FARS2: variants seen among roughly 807,000 people sequenced by gnomAD.
The protein encoded by FARS2 is phenylalanine--tRNA ligase, mitochondrial.
Under a neutral mutation model 46.4 loss-of-function variants are expected in FARS2, and 40 were observed. The observed-to-expected ratio is 0.86, with a 90% CI of 0.67 to 1.12. The LOEUF (loss-of-function observed/expected upper bound fraction) is 1.12, where lower values mean the gene tolerates loss of function less well. FARS2 is among the 50% of genes most tolerant of loss of function. FARS2 has a pLI of 0.00. For missense variants in FARS2, 513 were observed against 567.9 expected, an observed-to-expected ratio of 0.90 and a Z score of 0.98; for synonymous variants, 234 against 214.9, an observed-to-expected ratio of 1.09 and a Z score of -0.78.
chr6:5,754,107 T>C lies in FARS2; in HGVS notation c.1218-17184T>C, dbSNP rs137901065. 2.6e-5 allele frequency among the ~76,000 whole-genome samples: 4 copies of C among 152,338 alleles called. No homozygotes were observed. The East Asian group carries it at 7.7e-4, about 29-fold the overall frequency. ...ATAGTAACTGCTATCTTTTATTGAG[T>C]ATTTATTTTGTTCCAGGCACTGTGT... On this transcript the variant is annotated intron_variant, in intron 6 of 6. Coordinates refer to ENST00000274680, the MANE Select transcript of FARS2 (RefSeq NM_006567.5).
chr6:5,446,072 G>A (rs551614083), intron 4 of FARS2, among the ~76,000 whole-genome samples: 7 of 152,010 alleles, frequency 4.6e-5, no homozygotes, highest in East Asian at 1.9e-4. Flanking sequence ...GCGTGGGGGC[G>A]GGCACCTGTA....
chr6:5,392,358 G>A (rs1264849914), intron 2 of FARS2, among the ~76,000 whole-genome samples: 2 of 151,998 alleles, frequency 1.3e-5, no homozygotes, highest in Admixed American at 6.5e-5. Context: ...TTATTTCAGG[G>A]TTTTGAAAAC....
intron 6 of FARS2, among the ~76,000 whole-genome samples, chr6:5,747,703 C>G (rs761616197): frequency 6.6e-6 from 1 of 152,126 alleles, no homozygotes; most frequent in Non-Finnish European, 1.5e-5. Flanking sequence ...CAGTGAGGAT[C>G]GGAGGGTTCA....
intron 6 of FARS2, among the ~76,000 whole-genome samples, chr6:5,731,181 A>C (rs1419375193): frequency 6.6e-6 from 1 of 152,162 alleles, no homozygotes; most frequent in Non-Finnish European, 1.5e-5. Flanking sequence ...AAGAGGCATA[A>C]AGAAACTGGG....
At chr6:5,641,657 G>A (rs755331741) in intron 6 of FARS2, among the ~76,000 whole-genome samples, 14 of 152,198 alleles carry the variant, frequency 9.2e-5, no homozygotes, top group Non-Finnish European at 1.6e-4. Context: ...CCAAGGGCAG[G>A]TAATGAAACT....
intron 4 of FARS2, among the ~76,000 whole-genome samples, chr6:5,495,129 A>G (rs1173748966): frequency 1.3e-5 from 2 of 152,164 alleles, no homozygotes; most frequent in Non-Finnish European, 2.9e-5. Flanking sequence ...CTTTTAGATA[A>G]TAAAATCCTT....
intron 1 of FARS2, among the ~76,000 whole-genome samples, chr6:5,324,443 C>CTTTTT (rs745311767): frequency 1.1e-4 from 10 of 88,256 alleles, no homozygotes; most frequent in African/African-American, 2.1e-4. Context: ...AGACTATTTG[C>CTTTTT]TTTTTTTTTT....
At chr6:5,400,481 A>T (rs900365550) in intron 2 of FARS2, among the ~76,000 whole-genome samples, 1 of 151,950 alleles carries the variant, frequency 6.6e-6, no homozygotes, top group Non-Finnish European at 1.5e-5. Flanking sequence ...TATTTTAATC[A>T]GAGAGTATAG....
rs868585599 is a variant in FARS2, at chr6:5,533,703, A to T, written c.905-11477A>T. Among the ~76,000 whole-genome samples the T allele has an allele frequency of 2.0e-4, 30 of 152,144 alleles. 1 individual carries two copies. The highest frequency in any genetic ancestry group is 6.8e-4 in the African/African-American group (28 of 41,446). On this transcript the variant is annotated intron_variant, in intron 4 of 6. Coordinates refer to ENST00000274680, the MANE Select transcript of FARS2 (RefSeq NM_006567.5). ...TGAGGGGGTTTGGGAGAGTAGGTTG[A>T]TGGAGAGGTTTACAATTTTCAAGTG...
At chr6:5,685,223 A>AT (rs990863382) in intron 6 of FARS2, among the ~76,000 whole-genome samples, 1 of 152,078 alleles carries the variant, frequency 6.6e-6, no homozygotes, top group African/African-American at 2.4e-5. Context: ...TCAAGGAAGA[A>AT]TTTTTTTCCC....
intron 4 of FARS2, among the ~76,000 whole-genome samples, chr6:5,438,819 T>A (rs2127783047): frequency 6.6e-6 from 1 of 152,322 alleles, no homozygotes; most frequent in Non-Finnish European, 1.5e-5. Context: ...TCAAAAAGTT[T>A]CATATTTTGG....
At chr6:5,607,279 ATATGTATGTGTGTGTGTG>A (rs1335404227) in intron 5 of FARS2, among the ~76,000 whole-genome samples, 6 of 105,086 alleles carry the variant, frequency 5.7e-5, no homozygotes, top group Admixed American at 9.8e-5. Flanking sequence ...TTAAAGAATA[ATATGTATGTGTGTGTGTG>A]TGTGTGTGTG....
chr6:5,257,805 T>C (rs1309292546), upstream of FARS2, among the ~76,000 whole-genome samples: 1 of 152,178 alleles, frequency 6.6e-6, no homozygotes, highest in Non-Finnish European at 1.5e-5. Flanking sequence ...CTGTCTTCCA[T>C]GAAATTGGTT....
intron 5 of FARS2, chr6:5,610,186 C>G: frequency 1.3e-6 from 1 of 763,320 alleles, no homozygotes; most frequent in East Asian, 2.5e-5. Flanking sequence ...TTAGGAGACT[C>G]TGACTTAGAC....
At chr6:5,632,109 T>C (rs1776319414) in intron 6 of FARS2, among the ~76,000 whole-genome samples, 1 of 152,230 alleles carries the variant, frequency 6.6e-6, no homozygotes, top group South Asian at 2.1e-4. Context: ...AAAATCACTT[T>C]TTCACCCTAT....
chr6:5,462,097 C>T (rs193295491), intron 4 of FARS2, among the ~76,000 whole-genome samples: 1 of 152,328 alleles, frequency 6.6e-6, no homozygotes, highest in East Asian at 1.9e-4. Context: ...TGAAAATAGG[C>T]ATCCCAGTGA....
At chr6:5,487,360 T>G (rs1310402771) in intron 4 of FARS2, among the ~76,000 whole-genome samples, 1 of 152,152 alleles carries the variant, frequency 6.6e-6, no homozygotes, top group Non-Finnish European at 1.5e-5. Flanking sequence ...CAATGACCAC[T>G]GACAAAAACA....
chr6:5,277,635 C>A (rs1766429230), intron 1 of FARS2, among the ~76,000 whole-genome samples: 1 of 152,118 alleles, frequency 6.6e-6, no homozygotes, highest in Non-Finnish European at 1.5e-5. Context: ...AATTTCAAAA[C>A]TAAAATCTGT....
intron 6 of FARS2, among the ~76,000 whole-genome samples, chr6:5,704,078 G>T (rs1370120063): frequency 6.6e-6 from 1 of 152,168 alleles, no homozygotes; most frequent in Non-Finnish European, 1.5e-5. Context: ...ACGCTGGTCA[G>T]CTTAGTTTTC....
Sources: allele counts gnomAD v4.1 joint callset (sites outside exome capture counted in the v4.1 genomes callset), GRCh38; gene constraint gnomAD v4.1.1; transcripts MANE v1.5; gene names NCBI Gene and HGNC (gene_info 2026-07-23, HGNC 2026-07-21).